The following DYRK1A variants were observed in gnomAD, a reference collection of about 807,000 sequenced individuals.
The protein encoded by DYRK1A is dual specificity tyrosine-phosphorylation-regulated kinase 1A.
DYRK1A carries 9 observed loss-of-function variants against 79.7 expected under a neutral mutation model. The observed-to-expected ratio is 0.11, with a 90% CI of 0.07 to 0.20. DYRK1A has a LOEUF of 0.20. Ranked by LOEUF, DYRK1A falls within the 10% of genes least tolerant of loss-of-function variation. The pLI is 1.00. For synonymous variants in DYRK1A, 349 were observed against 329.7 expected (o/e 1.06, Z -0.63); for missense variants, 622 against 956.0 (o/e 0.65, Z 4.61).
At chr21:37,509,818 C>T (rs1256888743) in intron 11 of DYRK1A, among the ~76,000 whole-genome samples, 1 of 152,124 alleles carries the variant, frequency 6.6e-6, no homozygotes, top group Non-Finnish European at 1.5e-5. Flanking sequence ...CGGTAGTGTC[C>T]CTTCTTATCC....
intron 2 of DYRK1A, among the ~76,000 whole-genome samples, chr21:37,457,190 G>A (rs957994908): frequency 4.0e-5 from 6 of 151,754 alleles, no homozygotes; most frequent in East Asian, 3.9e-4. Flanking sequence ...CTCAGACTCC[G>A]GAGTAGCTGG....
At chr21:37,389,840 A>G (rs1271106445) in intron 1 of DYRK1A, among the ~76,000 whole-genome samples, 2 of 151,760 alleles carry the variant, frequency 1.3e-5, no homozygotes, top group Non-Finnish European at 2.9e-5. Context: ...TGCAGGCAGA[A>G]CTGTGGAAGA....
At chr21:37,366,337 G>A (rs1231568098), upstream of DYRK1A, among the ~76,000 whole-genome samples, 3 of 145,116 alleles carry the variant, frequency 2.1e-5, no homozygotes, top group East Asian at 2.0e-4. Flanking sequence ...GCGGAAGCGC[G>A]GGGCGCTAGG....
intron 2 of DYRK1A, among the ~76,000 whole-genome samples, chr21:37,455,893 C>G (rs1266938561): frequency 6.6e-6 from 1 of 152,064 alleles, no homozygotes; most frequent in East Asian, 1.9e-4. Flanking sequence ...ATTGATTTGC[C>G]CAAAGCGACA....
intron 1 of DYRK1A, among the ~76,000 whole-genome samples, chr21:37,398,598 T>G (rs1410296643): frequency 6.6e-6 from 1 of 152,188 alleles, no homozygotes; most frequent in Non-Finnish European, 1.5e-5. Flanking sequence ...TTTTACATAG[T>G]TTATAAAATA....
At chr21:37,437,426 G>A (rs766916352) in intron 2 of DYRK1A, among the ~76,000 whole-genome samples, 12 of 152,152 alleles carry the variant, frequency 7.9e-5, no homozygotes, top group Non-Finnish European at 1.2e-4. Flanking sequence ...ATTGTACTTA[G>A]AGTCAGGTTT....
chr21:37,485,381 C>G (rs1363973950), intron 5 of DYRK1A, among the ~76,000 whole-genome samples: 1 of 152,176 alleles, frequency 6.6e-6, no homozygotes, highest in African/African-American at 2.4e-5. Flanking sequence ...CAGAGAGTGT[C>G]TTTTAGAATT....
intron 2 of DYRK1A, among the ~76,000 whole-genome samples, chr21:37,449,771 C>T (rs1428685609): frequency 5.9e-5 from 9 of 152,246 alleles, no homozygotes; most frequent in Non-Finnish European, 1.5e-5. Flanking sequence ...CACTTTTCCC[C>T]ATAAATATCC....
chr21:37,404,216 G>A (rs2050109040), intron 1 of DYRK1A, among the ~76,000 whole-genome samples: 1 of 152,168 alleles, frequency 6.6e-6, no homozygotes, highest in African/African-American at 2.4e-5. Flanking sequence ...GACAGTGGAG[G>A]CTGAGCAGTC....
intron 2 of DYRK1A, among the ~76,000 whole-genome samples, chr21:37,431,633 C>T (rs1416661291): frequency 6.6e-6 from 1 of 152,198 alleles, no homozygotes; most frequent in Non-Finnish European, 1.5e-5. Context: ...GACTACTTAC[C>T]CCTTGCAGTA....
chr21:37,422,986 G>A (rs921924279), intron 2 of DYRK1A, among the ~76,000 whole-genome samples: 2 of 152,128 alleles, frequency 1.3e-5, no homozygotes, highest in Admixed American at 6.6e-5. Flanking sequence ...ATTTTTGGAA[G>A]AACAAATGAT....
intron 1 of DYRK1A, among the ~76,000 whole-genome samples, chr21:37,381,244 T>G (rs910103820): frequency 6.6e-6 from 1 of 152,224 alleles, no homozygotes; most frequent in Non-Finnish European, 1.5e-5. Flanking sequence ...ACTAAGAGAT[T>G]AGCAGGAAAT....
At position 37,513,003 on chromosome 21, in the gene DYRK1A, A is replaced by C. The variant is rs1240426942; in HGVS notation, c.*472A>C. ...GTTTTGTTTTGGGTGGGAGGGTGGGAAATTTGGGTTTTTAAGTCCTCTAAA... is the reference window on the plus strand; with the variant it reads ...GTTTTGTTTTGGGTGGGAGGGTGGGCAATTTGGGTTTTTAAGTCCTCTAAA... On this transcript the variant is annotated 3_prime_UTR_variant, in exon 12 of 12. Coordinates refer to ENST00000647188, the MANE Select transcript of DYRK1A (RefSeq NM_001347721.2). 1.6e-5 allele frequency: 1 copy of C among 63,752 alleles called. No individual in the cohort carries two copies. The highest frequency in any genetic ancestry group is 7.2e-5 in the African/African-American group (1 of 13,912). 3.9% of individuals were successfully genotyped at this position (63,752 alleles called of 1,614,324 possible).
intron 2 of DYRK1A, among the ~76,000 whole-genome samples, chr21:37,432,587 A>G (rs970243441): frequency 6.6e-6 from 1 of 152,208 alleles, no homozygotes; most frequent in Non-Finnish European, 1.5e-5. Flanking sequence ...GATATTTTTC[A>G]AAACTATAAA....
chr21:37,371,216 TTGAAAG>T (rs1405939621), intron 1 of DYRK1A, among the ~76,000 whole-genome samples: 2 of 152,214 alleles, frequency 1.3e-5, no homozygotes, highest in African/African-American at 4.8e-5. Flanking sequence ...CATAGAGTGT[TTGAAAG>T]TGAAATGTAG....
chr21:37,499,673 G>A (rs1293834881), intron 9 of DYRK1A, among the ~76,000 whole-genome samples: 3 of 152,016 alleles, frequency 2.0e-5, no homozygotes, highest in Non-Finnish European at 2.9e-5. Flanking sequence ...TTTTTTAGAT[G>A]CTATTTTAAA....
intron 1 of DYRK1A, among the ~76,000 whole-genome samples, chr21:37,403,641 A>T (rs2050093226): frequency 4.1e-5 from 4 of 97,160 alleles, no homozygotes; most frequent in African/African-American, 1.8e-4. Context: ...AATTAAAAAA[A>T]AAAAAAAATA....
intron 2 of DYRK1A, among the ~76,000 whole-genome samples, chr21:37,467,106 G>GAAAAA (rs5843833): frequency 5.4e-5 from 7 of 130,752 alleles, no homozygotes; most frequent in South Asian, 2.4e-4. Flanking sequence ...ATTTACAAAA[G>GAAAAA]AAAAAAAAAA....
chr21:37,525,876 T>C lies in DYRK1A; in HGVS notation c.*13345T>C, dbSNP rs1481698904. 1 of 152,216 alleles carries C rather than the reference T, an allele frequency of 6.6e-6. No homozygotes were observed. Among genetic ancestry groups the C allele is most frequent in the East Asian group, 1.9e-4 (1 of 5,198 alleles). 9.4% of individuals were successfully genotyped at this position (152,216 alleles called of 1,614,324 possible). On this transcript the variant is annotated 3_prime_UTR_variant, in exon 12 of 12. Transcript: ENST00000647188. ...GAGCTCAGGACAAAGATTGAAATTT[T>C]TCTGAATGAGAACTGCCCCGAACCA... is the stretch of plus-strand genomic sequence containing the variant.
Sources: allele counts gnomAD v4.1 joint callset (sites outside exome capture counted in the v4.1 genomes callset), GRCh38; gene constraint gnomAD v4.1.1; transcripts MANE v1.5; gene names NCBI Gene and HGNC (gene_info 2026-07-23, HGNC 2026-07-21).